CAPN2: variants seen among roughly 807,000 people sequenced by gnomAD.
The protein encoded by CAPN2 is calpain 2.
Under a neutral mutation model 102.3 loss-of-function variants are expected in CAPN2, and 92 were observed. The ratio of observed to expected loss-of-function variants is 0.90; its 90% CI spans 0.76 to 1.07. The LOEUF (loss-of-function observed/expected upper bound fraction) is 1.07, where lower values mean the gene tolerates loss of function less well. CAPN2 is among the 50% of genes least tolerant of loss of function. The probability of loss-of-function intolerance (pLI) is 0.00; values close to 1 mark genes in which losing one functional copy is unlikely to be tolerated. For missense variants in CAPN2, 800 were observed against 909.4 expected (o/e 0.88, Z 1.55); for synonymous variants, 340 against 355.4 (o/e 0.96, Z 0.49).
rs114766628 is a variant in CAPN2, at chr1:223,743,608, C to T, written c.308-492C>T. ...CTGGGCTCAAGGGATCCTCCTGCCG[C>T]AGCCTCCCAAGTATTCGTATTATAG... On this transcript the variant is annotated intron_variant, in intron 2 of 20. Coordinates refer to ENST00000295006, the MANE Select transcript of CAPN2 (RefSeq NM_001748.5). Among the ~76,000 whole-genome samples, 502 of 152,274 alleles carry T rather than the reference C, an allele frequency of 3.3e-3. 1 individual carries two copies. The highest frequency in any genetic ancestry group is 0.011 in the African/African-American group (473 of 41,550).
chr1:223,719,542 A>G (rs530058978), intron 2 of CAPN2, among the ~76,000 whole-genome samples: 219 of 152,312 alleles, frequency 1.4e-3, no homozygotes, highest in African/African-American at 5.1e-3. Context: ...CCATCTCAAA[A>G]AAAAAGAGAG....
chr1:223,724,814 A>AT (rs1399415952), intron 2 of CAPN2, among the ~76,000 whole-genome samples: 4 of 151,964 alleles, frequency 2.6e-5, no homozygotes, highest in African/African-American at 9.7e-5. Context: ...ACAAAAAAAA[A>AT]TTTTTTTAAT....
Position 223,755,442 on chromosome 1 carries a change from G to A in CAPN2, c.1136-38G>A, listed in dbSNP as rs985747932. 18 of 1,610,670 alleles carry A rather than the reference G, an allele frequency of 1.1e-5. No individual in the cohort carries two copies. The highest frequency in any genetic ancestry group is 2.7e-5 in the African/African-American group (2 of 74,754). Reference sequence around the variant, plus strand: ...CCACCCCCCACCCCCATGCATTCCTGCTCAGGGCTGGGCTCCTCTGCCCCT... The same window carrying A: ...CCACCCCCCACCCCCATGCATTCCTACTCAGGGCTGGGCTCCTCTGCCCCT... On this transcript the variant is annotated intron_variant, in intron 9 of 20. Coordinates refer to ENST00000295006, the MANE Select transcript of CAPN2 (RefSeq NM_001748.5). The surrounding 1 kb of genome is among the most constrained non-coding windows in gnomAD (Gnocchi z 4.1).
intron 2 of CAPN2, among the ~76,000 whole-genome samples, chr1:223,718,092 C>G (rs1226163198): frequency 6.6e-6 from 1 of 152,188 alleles, no homozygotes; most frequent in Non-Finnish European, 1.5e-5. Flanking sequence ...CTAGGAGGAC[C>G]AGGGGGCTTC....
chr1:223,739,386 G>A (rs1660550089), intron 2 of CAPN2, among the ~76,000 whole-genome samples: 1 of 152,066 alleles, frequency 6.6e-6, no homozygotes, highest in Admixed American at 6.6e-5. Context: ...GTTTCACCAT[G>A]TTGGCCAGGC....
intron 2 of CAPN2, among the ~76,000 whole-genome samples, chr1:223,732,768 A>ATGGTGAT (rs1329378094): frequency 2.6e-5 from 4 of 152,100 alleles, no homozygotes; most frequent in African/African-American, 9.7e-5. Context: ...TTCAGAAATA[A>ATGGTGAT]TGGTGATTTT....
intron 2 of CAPN2, among the ~76,000 whole-genome samples, chr1:223,719,670 G>A (rs570106555): frequency 4.6e-5 from 7 of 152,312 alleles, no homozygotes; most frequent in African/African-American, 1.7e-4. Flanking sequence ...ATACCACTGG[G>A]CCAATTGGAG....
intron 2 of CAPN2, among the ~76,000 whole-genome samples, chr1:223,723,895 C>A (rs1235414831): frequency 1.3e-5 from 2 of 151,518 alleles, no homozygotes; most frequent in Non-Finnish European, 2.9e-5. Context: ...TGCAAAGCCA[C>A]AGGGCGTGCA....
intron 2 of CAPN2, among the ~76,000 whole-genome samples, chr1:223,733,306 C>T (rs1246853159): frequency 6.6e-6 from 1 of 152,128 alleles, no homozygotes; most frequent in Non-Finnish European, 1.5e-5. Flanking sequence ...AAATATTATG[C>T]TTTCCTCTTG....
At chr1:223,741,723 G>A (rs1349324225) in intron 2 of CAPN2, among the ~76,000 whole-genome samples, 2 of 151,978 alleles carry the variant, frequency 1.3e-5, no homozygotes, top group African/African-American at 4.8e-5. Context: ...CCAAAGTGCT[G>A]GGATTAAGAG....
chr1:223,708,471 A>G (rs1659660168), upstream of CAPN2, among the ~76,000 whole-genome samples: 1 of 150,916 alleles, frequency 6.6e-6, no homozygotes, highest in Admixed American at 6.6e-5. Context: ...CTTCAATAGA[A>G]AGAAAGACTA....
chr1:223,709,951 T>C (rs1323114789), upstream of CAPN2, among the ~76,000 whole-genome samples: 4 of 152,180 alleles, frequency 2.6e-5, no homozygotes, highest in African/African-American at 7.2e-5. Context: ...GCTACAGTTA[T>C]ATACAACTTA....
chr1:223,747,276 C>G (rs1022888678), intron 5 of CAPN2, 111 bp downstream of exon 5: 3 of 1,083,890 alleles, frequency 2.8e-6, no homozygotes, highest in Non-Finnish European at 3.8e-6. Flanking sequence ...ATGCAGCCCT[C>G]GTCCACGTAG....
chr1:223,769,269 C>T lies in CAPN2; in HGVS notation c.1756-572C>T, dbSNP rs573145164. Among the ~76,000 whole-genome samples the T allele has an allele frequency of 5.9e-4, 89 of 152,020 alleles. 1 individual carries two copies. Among genetic ancestry groups the T allele is most frequent in the East Asian group, 4.3e-3 (22 of 5,172 alleles). ...CCTAGTAGCTAGGACTACAGGTGCG[C>T]GCCACCATGCCCAGCTGATTTTTCT... is the stretch of plus-strand genomic sequence containing the variant. On this transcript the variant is annotated intron_variant, in intron 16 of 20. Transcript: ENST00000295006.
rs775974971 is a variant in CAPN2, at chr1:223,744,091, T to C, written c.308-9T>C. The C allele has an allele frequency of 1.3e-6, 2 of 1,584,188 alleles. No individual in the cohort carries two copies. The highest frequency in any genetic ancestry group is 8.7e-7 in the Non-Finnish European group (1 of 1,152,850). ...CCTCTGATAAGAGCTCCTTGTGCTGTGTTCACAGGTGACTGCTGGCTGCTG... is the reference window on the plus strand; with the variant it reads ...CCTCTGATAAGAGCTCCTTGTGCTGCGTTCACAGGTGACTGCTGGCTGCTG... On this transcript the variant is annotated splice_polypyrimidine_tract_variant and intron_variant, in intron 2 of 20. Coordinates refer to ENST00000295006, the MANE Select transcript of CAPN2 (RefSeq NM_001748.5).
chr1:223,749,203 GC>G, intron 6 of CAPN2, 81 bp downstream of exon 6: 2 of 1,243,880 alleles, frequency 1.6e-6, no homozygotes, highest in South Asian at 1.3e-5. Flanking sequence ...ATGCCCAGGG[GC>G]CCGCGCGGCC....
chr1:223,771,792 T>C lies in CAPN2; in HGVS notation c.1904-17T>C, dbSNP rs527862457. On this transcript the variant is annotated splice_polypyrimidine_tract_variant and intron_variant, in intron 18 of 20. Coordinates refer to ENST00000295006, the MANE Select transcript of CAPN2 (RefSeq NM_001748.5). Reference sequence around the variant, plus strand: ...TCTAATGCTTAGCAATGAGTTTGTTTGTTCATGTAACTTCAGGTTTCAAGA... The same window carrying C: ...TCTAATGCTTAGCAATGAGTTTGTTCGTTCATGTAACTTCAGGTTTCAAGA... 11 of 1,516,804 alleles carry C rather than the reference T, an allele frequency of 7.3e-6. No homozygotes were observed. The South Asian group carries it at 1.1e-4, about 15-fold the overall frequency. The allele number at this position is 1,516,804 out of a possible 1,614,324, so 94.0% of individuals were successfully genotyped here.
intron 5 of CAPN2, among the ~76,000 whole-genome samples, chr1:223,747,762 G>A (rs1478769578): frequency 6.6e-6 from 1 of 152,190 alleles, no homozygotes; most frequent in Non-Finnish European, 1.5e-5. Flanking sequence ...TGCTTTGGGG[G>A]AGAGTGGATC....
chr1:223,704,424 G>A (rs1320144753), intron 1 of CAPN2, among the ~76,000 whole-genome samples: 1 of 152,170 alleles, frequency 6.6e-6, no homozygotes, highest in Non-Finnish European at 1.5e-5. Context: ...AAGTCCAAAG[G>A]CTCATTTGAA....
Sources: gnomAD v4.1 joint callset for allele counts (sites outside exome capture counted in the v4.1 genomes callset) on GRCh38, gnomAD v4.1.1 for gene constraint, Gnocchi (gnomAD v3.1) non-coding constraint, MANE v1.5 for transcripts, NCBI Gene and HGNC (gene_info 2026-07-23, HGNC 2026-07-21) for gene names.